CNTN3: variants seen among roughly 807,000 people sequenced by gnomAD.
CNTN3 encodes the protein contactin-3.
Under a neutral mutation model 119.1 loss-of-function variants are expected in CNTN3, and 60 were observed. That is an observed-to-expected ratio of 0.50 (90% CI 0.41 to 0.62). The LOEUF (loss-of-function observed/expected upper bound fraction) is 0.62, where lower values mean the gene tolerates loss of function less well. Among genes scored for constraint, CNTN3 ranks in the 20% least tolerant of loss-of-function variants. The pLI is 0.00. For missense variants in CNTN3, 1,101 were observed against 1,242.4 expected (o/e 0.89, Z 1.71); for synonymous variants, 450 against 438.7 (o/e 1.03, Z -0.32).
In CNTN3 at chr3:74,427,641, C is replaced by G. The variant is rs920339143; in HGVS notation, c.359-2701G>C. Among the ~76,000 whole-genome samples the G allele has an allele frequency of 1.3e-5, 2 of 152,090 alleles. 1 individual carries two copies. ...ACCTACAAGTAACTACAGCTATCAT[C>G]ATATTTAATGGTGAAAGACCGAGTG... On this transcript the variant is annotated intron_variant, in intron 4 of 22. Transcript: ENST00000263665.
At chr3:74,503,918 C>T (rs373604289) in intron 2 of CNTN3, among the ~76,000 whole-genome samples, 1 of 152,056 alleles carries the variant, frequency 6.6e-6, no homozygotes, top group African/African-American at 2.4e-5. Context: ...CCCCCTAACA[C>T]CTACAGGCAA....
intron 1 of CNTN3, among the ~76,000 whole-genome samples, chr3:74,530,663 G>C (rs578214994): frequency 1.3e-5 from 2 of 152,034 alleles, no homozygotes; most frequent in East Asian, 3.9e-4. Context: ...TTTCCTGTGC[G>C]CCAGACACAC....
Position 74,541,656 on chromosome 3 carries a change from T to A in CNTN3, c.-80-20464A>T, listed in dbSNP as rs145078766. On this transcript the variant is annotated intron_variant, in intron 1 of 22. Coordinates refer to ENST00000263665, the MANE Select transcript of CNTN3 (RefSeq NM_020872.3). ...AAAGAGCCTCAAATAGGGAGGAACA[T>A]AAATTAGGGTTCAAAGTCACAGACA... 2.4e-3 allele frequency among the ~76,000 whole-genome samples: 362 copies of A among 152,266 alleles called. 4 individuals are homozygous for A. Among genetic ancestry groups the A allele is most frequent in the African/African-American group, 8.1e-3 (338 of 41,548 alleles).
At chr3:74,266,393 AGAAT>A in intron 22 of CNTN3, 84 bp downstream of exon 22, 1 of 1,308,448 alleles carries the variant, frequency 7.6e-7, no homozygotes, top group Non-Finnish European at 1.1e-6. Context: ...CTGGAAAGAA[AGAAT>A]GGACAGAGGG....
intron 5 of CNTN3, among the ~76,000 whole-genome samples, chr3:74,390,396 G>C (rs1246595744): frequency 2.0e-5 from 3 of 147,018 alleles, no homozygotes; most frequent in Admixed American, 6.9e-5. Flanking sequence ...TTTAGAAAAG[G>C]CTATTTGATG....
At chr3:74,401,826 T>A (rs1035785673) in intron 5 of CNTN3, among the ~76,000 whole-genome samples, 1 of 152,314 alleles carries the variant, frequency 6.6e-6, no homozygotes, top group East Asian at 1.9e-4. Context: ...GTGCATCATT[T>A]TTCCAGAATA....
intron 1 of CNTN3, among the ~76,000 whole-genome samples, chr3:74,592,275 G>C (rs1459582074): frequency 6.6e-6 from 1 of 151,892 alleles, no homozygotes; most frequent in Non-Finnish European, 1.5e-5. Flanking sequence ...GAGAAGAAAT[G>C]CAGGGGGCAG....
chr3:74,548,928 AT>A (rs1193735012), intron 1 of CNTN3, among the ~76,000 whole-genome samples: 3 of 152,192 alleles, frequency 2.0e-5, no homozygotes, highest in Middle Eastern at 3.2e-3. Flanking sequence ...CCCTAGGGAT[AT>A]GGTAACTCTT....
chr3:74,557,308 G>C (rs1559657001), intron 1 of CNTN3, among the ~76,000 whole-genome samples: 1 of 152,072 alleles, frequency 6.6e-6, no homozygotes, highest in Non-Finnish European at 1.5e-5. Flanking sequence ...GAAATAATTT[G>C]GTAAATAGTG....
intron 16 of CNTN3, 86 bp downstream of exon 16, chr3:74,301,312 C>T (rs1004791077): frequency 1.5e-6 from 2 of 1,344,916 alleles, no homozygotes; most frequent in Admixed American, 2.0e-5. Context: ...TGAGGCTGAC[C>T]CCCTGCTGGC....
intron 1 of CNTN3, among the ~76,000 whole-genome samples, chr3:74,579,321 C>T (rs1211587597): frequency 6.6e-6 from 1 of 151,182 alleles, no homozygotes; most frequent in Admixed American, 6.6e-5. Context: ...ACTTTAAAAG[C>T]ACTCTTTCAG....
intron 1 of CNTN3, among the ~76,000 whole-genome samples, chr3:74,575,377 G>C (rs1394173843): frequency 6.6e-6 from 1 of 151,732 alleles, no homozygotes; most frequent in East Asian, 1.9e-4. Context: ...TCAGCCTCCT[G>C]AGTAGCTGGG....
intron 1 of CNTN3, among the ~76,000 whole-genome samples, chr3:74,595,033 T>G (rs1704777771): frequency 6.6e-6 from 1 of 152,138 alleles, no homozygotes; most frequent in East Asian, 1.9e-4. Context: ...TGATTTGCAT[T>G]TCTCTGATGG....
At chr3:74,419,872 G>A (rs1701589559) in intron 5 of CNTN3, among the ~76,000 whole-genome samples, 1 of 151,998 alleles carries the variant, frequency 6.6e-6, no homozygotes, top group Admixed American at 6.6e-5. Context: ...CTGAAAACAG[G>A]GTAATTTTTC....
At chr3:74,533,915 T>G (rs1281785927) in intron 1 of CNTN3, among the ~76,000 whole-genome samples, 2 of 151,758 alleles carry the variant, frequency 1.3e-5, no homozygotes, top group Non-Finnish European at 2.9e-5. Flanking sequence ...GGGGTTAGGG[T>G]TTAGTGATAC....
chr3:74,407,667 C>T (rs924594825), intron 5 of CNTN3, among the ~76,000 whole-genome samples: 25 of 151,946 alleles, frequency 1.6e-4, no homozygotes, highest in African/African-American at 5.8e-4. Flanking sequence ...GGGGAGTGGA[C>T]GATGAGCAGT....
chr3:74,274,821 A>G (rs565324568), intron 20 of CNTN3, among the ~76,000 whole-genome samples: 4 of 152,192 alleles, frequency 2.6e-5, no homozygotes, highest in Non-Finnish European at 5.9e-5. Flanking sequence ...GATTTACTGG[A>G]AAAAGAATTC....
intron 4 of CNTN3, among the ~76,000 whole-genome samples, chr3:74,466,306 C>A (rs1034707188): frequency 1.3e-5 from 2 of 151,944 alleles, no homozygotes; most frequent in African/African-American, 2.4e-5. Flanking sequence ...GGACTCAGGG[C>A]CTATTGAAGA....
chr3:74,428,367 G>A (rs1701730381), intron 4 of CNTN3, among the ~76,000 whole-genome samples: 1 of 152,120 alleles, frequency 6.6e-6, no homozygotes, highest in African/African-American at 2.4e-5. Flanking sequence ...TTCCATGCAT[G>A]TTATTGCCCC....
Sources: allele counts gnomAD v4.1 joint callset (sites outside exome capture counted in the v4.1 genomes callset), GRCh38; gene constraint gnomAD v4.1.1; transcripts MANE v1.5; gene names NCBI Gene and HGNC (gene_info 2026-07-23, HGNC 2026-07-21).